RCAN2: variants seen among roughly 807,000 people sequenced by gnomAD.
RCAN2 encodes the protein regulator of calcineurin 2.
In RCAN2, 9 loss-of-function variants were observed where a neutral mutation model predicts 23.6. That is an observed-to-expected ratio of 0.38 (90% CI 0.23 to 0.67). The LOEUF is 0.67. Among genes scored for constraint, RCAN2 ranks in the 30% least tolerant of loss-of-function variants. RCAN2 has a pLI of 0.51. For synonymous variants in RCAN2, 109 were observed against 115.7 expected (o/e 0.94, Z 0.37); for missense variants, 273 against 302.3 (o/e 0.90, Z 0.72).
At chr6:46,227,915 G>C (rs1297925855) in intron 4 of RCAN2, among the ~76,000 whole-genome samples, 8 of 152,140 alleles carry the variant, frequency 5.3e-5, no homozygotes, top group Non-Finnish European at 1.2e-4. Context: ...GGCATTTAGT[G>C]CTATAAATTT....
chr6:46,244,017 C>T (rs1157148885), intron 4 of RCAN2, among the ~76,000 whole-genome samples: 1 of 152,072 alleles, frequency 6.6e-6, no homozygotes, highest in East Asian at 1.9e-4. Flanking sequence ...CACCAACCAG[C>T]TGTGTCACCT....
At position 46,308,516 on chromosome 6, in the gene RCAN2, A is replaced by T. The variant is rs190325204; in HGVS notation, c.226-59620T>A. ...CACAGTCTAGGGTGGAATGAGACCA[A>T]AATGTCTAAGCACAAGACTAATGAA... On this transcript the variant is annotated intron_variant, in intron 2 of 4. Transcript: ENST00000371374. Among the ~76,000 whole-genome samples the T allele has an allele frequency of 4.3e-3, 654 of 152,252 alleles. 2 individuals carry two copies. The highest frequency in any genetic ancestry group is 7.2e-3 in the Admixed American group (110 of 15,296).
intron 2 of RCAN2, among the ~76,000 whole-genome samples, chr6:46,273,279 G>A (rs1356979583): frequency 1.3e-5 from 2 of 152,112 alleles, no homozygotes; most frequent in South Asian, 4.2e-4. Flanking sequence ...CTAAAGATGA[G>A]GGCACAGAAT....
At chr6:46,407,846 G>T (rs1433610052) in intron 2 of RCAN2, among the ~76,000 whole-genome samples, 1 of 152,270 alleles carries the variant, frequency 6.6e-6, no homozygotes, top group East Asian at 1.9e-4. Flanking sequence ...CCTCCAAAAA[G>T]AGAAAGAGTA....
chr6:46,406,062 C>T (rs962779516), intron 2 of RCAN2, among the ~76,000 whole-genome samples: 1 of 152,222 alleles, frequency 6.6e-6, no homozygotes, highest in Non-Finnish European at 1.5e-5. Context: ...GCTCCGAATG[C>T]GGGGCCCGCC....
intron 2 of RCAN2, among the ~76,000 whole-genome samples, chr6:46,368,393 C>CA (rs1350197845): frequency 3.3e-5 from 5 of 152,096 alleles, no homozygotes; most frequent in Admixed American, 1.3e-4. Flanking sequence ...TCTGCTCAAA[C>CA]AAAAAATACA....
intron 1 of RCAN2, among the ~76,000 whole-genome samples, chr6:46,487,480 G>A (rs190893428): frequency 6.6e-6 from 1 of 152,134 alleles, no homozygotes; most frequent in African/African-American, 2.4e-5. Context: ...TTACCCTGGC[G>A]GCAAAGGGTG....
intron 2 of RCAN2, among the ~76,000 whole-genome samples, chr6:46,317,665 C>G (rs1024944154): frequency 1.3e-5 from 2 of 152,024 alleles, no homozygotes; most frequent in Non-Finnish European, 2.9e-5. Flanking sequence ...CGGGGTTTCA[C>G]CGTGTTAGCC....
At chr6:46,238,008 G>A (rs192146269) in intron 4 of RCAN2, among the ~76,000 whole-genome samples, 3 of 152,302 alleles carry the variant, frequency 2.0e-5, no homozygotes, top group Non-Finnish European at 4.4e-5. Context: ...TTCCCCCTGA[G>A]CCTGGCCCAA....
chr6:46,399,419 C>T (rs1473573080), intron 2 of RCAN2, among the ~76,000 whole-genome samples: 1 of 150,762 alleles, frequency 6.6e-6, no homozygotes. Context: ...CTGCAATTCC[C>T]CCTGTTACAA....
At chr6:46,272,572 G>A (rs1424480341) in intron 2 of RCAN2, among the ~76,000 whole-genome samples, 1 of 152,136 alleles carries the variant, frequency 6.6e-6, no homozygotes, top group Non-Finnish European at 1.5e-5. Flanking sequence ...TATATTAAAT[G>A]TCACACAATA....
chr6:46,226,784 TCCTG>T (rs1562091442), intron 4 of RCAN2, among the ~76,000 whole-genome samples: 1 of 152,216 alleles, frequency 6.6e-6, no homozygotes, highest in East Asian at 1.9e-4. Flanking sequence ...TATTTCTTTC[TCCTG>T]CCTGATTGCC....
chr6:46,408,654 C>T (rs1226261255), intron 2 of RCAN2, among the ~76,000 whole-genome samples: 1 of 152,142 alleles, frequency 6.6e-6, no homozygotes, highest in African/African-American at 2.4e-5. Flanking sequence ...GAACCCAGCT[C>T]CTTGGCCTCT....
In RCAN2 at chr6:46,221,424, A is replaced by T. The variant is rs1251092699; in HGVS notation, c.*1717T>A. ...TCTGTAGTCGTTTATCATCAATGAA[A>T]AACCAAAAACCTCCACAGCAAAGGA... On this transcript the variant is annotated 3_prime_UTR_variant, in exon 5 of 5. Coordinates refer to ENST00000371374, the MANE Select transcript of RCAN2 (RefSeq NM_001251974.2). 1 of 152,712 alleles carries T rather than the reference A, an allele frequency of 6.5e-6. No homozygotes were observed. Among genetic ancestry groups the T allele is most frequent in the African/African-American group, 2.4e-5 (1 of 41,462 alleles). 9.5% of individuals were successfully genotyped at this position (152,712 alleles called of 1,614,324 possible). A position where few individuals can be genotyped will look rare whatever the true frequency, so the allele number is the denominator to read the frequency against.
intron 4 of RCAN2, among the ~76,000 whole-genome samples, chr6:46,243,824 A>AAC (rs763158598): frequency 3.3e-5 from 5 of 150,546 alleles, no homozygotes; most frequent in Admixed American, 6.6e-5. Flanking sequence ...AAAAAAAAAA[A>AAC]AAAAAAAACC....
rs185557421 is a variant in RCAN2, at chr6:46,310,379, A to G, written c.226-61483T>C. On this transcript the variant is annotated intron_variant, in intron 2 of 4. Coordinates refer to ENST00000371374, the MANE Select transcript of RCAN2 (RefSeq NM_001251974.2). ...TGAGTTTATTTTACTTCCATGCACA[A>G]GAAAGAATCTGAAGCTGGAATACCA... Among the ~76,000 whole-genome samples the G allele has an allele frequency of 2.0e-5, 3 of 152,300 alleles. No homozygotes were observed. In the East Asian group the frequency reaches 5.8e-4, roughly 29 times the overall value.
chr6:46,274,572 T>C (rs1330324671), intron 2 of RCAN2, among the ~76,000 whole-genome samples: 2 of 151,894 alleles, frequency 1.3e-5, no homozygotes, highest in Non-Finnish European at 2.9e-5. Context: ...CTTCAAAGGG[T>C]GGTAAAATTC....
chr6:46,263,487 G>GTA (rs1561833919), intron 2 of RCAN2, among the ~76,000 whole-genome samples: 63 of 142,650 alleles, frequency 4.4e-4, no homozygotes, highest in African/African-American at 1.3e-3. Context: ...GTGTGTGTGT[G>GTA]TGTGTGTATG....
intron 2 of RCAN2, among the ~76,000 whole-genome samples, chr6:46,415,994 T>C (rs1766704777): frequency 6.6e-6 from 1 of 152,226 alleles, no homozygotes; most frequent in Non-Finnish European, 1.5e-5. Flanking sequence ...GTAAATGCTA[T>C]GTAAATTGTT....
Sources: gnomAD v4.1 joint callset for allele counts (sites outside exome capture counted in the v4.1 genomes callset) on GRCh38, gnomAD v4.1.1 for gene constraint, MANE v1.5 for transcripts, NCBI Gene and HGNC (gene_info 2026-07-23, HGNC 2026-07-21) for gene names.